Variants in DNAH5 observed in about 807,000 individuals in gnomAD.
DNAH5 encodes dynein axonemal heavy chain 5.
In DNAH5, 372 loss-of-function variants were observed where a neutral mutation model predicts 518.2. The observed-to-expected ratio is 0.72, with a 90% CI of 0.66 to 0.78. The LOEUF (loss-of-function observed/expected upper bound fraction) is 0.78, where lower values mean the gene tolerates loss of function less well. Among genes scored for constraint, DNAH5 ranks in the 30% least tolerant of loss-of-function variants. The pLI is 0.00. For missense variants in DNAH5, 5,523 were observed against 5,687.0 expected, an observed-to-expected ratio of 0.97 and a Z score of 0.93; for synonymous variants, 2,039 against 2,025.9, an observed-to-expected ratio of 1.01 and a Z score of -0.17.
At chr5:13,734,860 AT>A (rs1030375816) in intron 68 of DNAH5, among the ~76,000 whole-genome samples, 1 of 151,754 alleles carries the variant, frequency 6.6e-6, no homozygotes, top group African/African-American at 2.4e-5. Flanking sequence ...TTATTATTTT[AT>A]TTTTTTTCTG....
chr5:13,781,624 G>A lies in DNAH5; in HGVS notation c.8821-665C>T, dbSNP rs371009643. The stretch of plus-strand genomic sequence containing the variant: ...TCTGATGGTTTTATCAGGGGTTTTC[G>A]CTTTTGCATCTTCCTCATTTTTTGT... On this transcript the variant is annotated intron_variant, in intron 52 of 78. Coordinates refer to ENST00000265104, the MANE Select transcript of DNAH5 (RefSeq NM_001369.3). Among the ~76,000 whole-genome samples the A allele has an allele frequency of 7.8e-4, 119 of 151,958 alleles. 1 individual carries two copies. Among genetic ancestry groups the A allele is most frequent in the Middle Eastern group, 6.8e-3 (2 of 294 alleles).
intron 25 of DNAH5, 123 bp downstream of exon 25, chr5:13,867,651 C>T: frequency 1.2e-6 from 1 of 837,120 alleles, no homozygotes; most frequent in Admixed American, 1.8e-5. Flanking sequence ...AAATAAAATT[C>T]CCATTCCCTG....
At chr5:13,957,504 C>T (rs1339018683) in intron 1 of DNAH5, among the ~76,000 whole-genome samples, 1 of 152,050 alleles carries the variant, frequency 6.6e-6, no homozygotes, top group Non-Finnish European at 1.5e-5. Flanking sequence ...CTGATGATTT[C>T]CCTTTCAAAA....
chr5:13,839,256 G>T, intron 35 of DNAH5, 100 bp downstream of exon 35: 1 of 1,054,004 alleles, frequency 9.5e-7, no homozygotes, highest in Non-Finnish European at 1.4e-6. Context: ...AAAGGTTTTA[G>T]TATAAAGAGC....
chr5:13,816,559 AAAAAAC>A (rs1232955921), intron 42 of DNAH5, among the ~76,000 whole-genome samples: 1 of 144,852 alleles, frequency 6.9e-6, no homozygotes, highest in Non-Finnish European at 1.5e-5. Context: ...AAGGGGAAAA[AAAAAAC>A]AAAAAAACCT....
intron 32 of DNAH5, 40 bp downstream of exon 32, chr5:13,844,797 G>A (rs763534739): frequency 1.2e-6 from 2 of 1,613,556 alleles, no homozygotes; most frequent in East Asian, 2.2e-5. Context: ...GAGGTTCGAA[G>A]GTACGGTGAT....
At chr5:13,852,286 G>A (rs983297035) in intron 30 of DNAH5, among the ~76,000 whole-genome samples, 1 of 152,152 alleles carries the variant, frequency 6.6e-6, no homozygotes, top group African/African-American at 2.4e-5. Flanking sequence ...TCCTGCCTCA[G>A]CCTCCTGAGA....
At chr5:13,856,312 G>C (rs1767627348) in intron 30 of DNAH5, among the ~76,000 whole-genome samples, 1 of 152,018 alleles carries the variant, frequency 6.6e-6, no homozygotes, top group Non-Finnish European at 1.5e-5. Context: ...ATGATAAAGG[G>C]GATATCGCCA....
At position 13,728,062 on chromosome 5, in the gene DNAH5, C is replaced by T. The variant is rs572375827; in HGVS notation, c.11884-406G>A. Among the ~76,000 whole-genome samples the T allele has an allele frequency of 1.3e-4, 20 of 152,284 alleles. 1 individual carries two copies. In the South Asian group the frequency reaches 4.1e-3, roughly 32 times the overall value. On this transcript the variant is annotated intron_variant, in intron 69 of 78. Coordinates refer to ENST00000265104, the MANE Select transcript of DNAH5 (RefSeq NM_001369.3). Reference sequence around the variant, plus strand: ...ACTTATGTTTCCTCATTTCCCAGGACCACTCCTGACCCAAAAGAAGACATT... The same window carrying T: ...ACTTATGTTTCCTCATTTCCCAGGATCACTCCTGACCCAAAAGAAGACATT...
intron 55 of DNAH5, among the ~76,000 whole-genome samples, chr5:13,771,984 A>G (rs982497883): frequency 6.6e-6 from 1 of 152,200 alleles, no homozygotes; most frequent in East Asian, 1.9e-4. Flanking sequence ...TAAATAATAG[A>G]GACAATTCAT....
Position 13,883,007 on chromosome 5 carries a change from G to C in DNAH5, c.3071C>G (p.Ala1024Gly). 6.2e-7 allele frequency: 1 copy of C among 1,614,174 alleles called. No homozygotes were observed. The highest frequency in any genetic ancestry group is 8.5e-7 in the Non-Finnish European group (1 of 1,180,022). The change falls in exon 20 of 79, where the codon GCC (alanine) becomes GGC (glycine). Residue 1024 changes from alanine to glycine, a missense_variant. This residue lies in a region of DNAH5 where 5,121 missense variants were observed against 5,223.3 expected (regional missense o/e 0.98). Coordinates refer to ENST00000265104, the MANE Select transcript of DNAH5 (RefSeq NM_001369.3). ...VTLAIPNIVMAPALEDVQQTL... is the reference protein window; with the variant it reads ...VTLAIPNIVMGPALEDVQQTL... ...CTGCTGTACATCTTCCAGGGCAGGGGCCATGACGATGTTGGGAATGGCCAG... is the reference window on the plus strand; with the variant it reads ...CTGCTGTACATCTTCCAGGGCAGGGCCCATGACGATGTTGGGAATGGCCAG...
chr5:13,711,816 G>T (rs1480774991), intron 75 of DNAH5, among the ~76,000 whole-genome samples: 2 of 152,086 alleles, frequency 1.3e-5, no homozygotes, highest in Non-Finnish European at 2.9e-5. Context: ...ATGTAACCAA[G>T]AAGTCAAAAG....
Position 13,913,878 on chromosome 5 carries a change from C to T in DNAH5, c.1401G>A (p.Met467Ile). Reference sequence around the variant, plus strand: ...AAGTTTCGAATTTTCCAAAAATATACATCTCGCTAAAATCAAATTGTTTTG... The same window carrying T: ...AAGTTTCGAATTTTCCAAAAATATATATCTCGCTAAAATCAAATTGTTTTG... ...PNAKQFDFSEMYIFGKFETFH... is the reference protein window; with the variant it reads ...PNAKQFDFSEIYIFGKFETFH... The change falls in exon 11 of 79, where the codon ATG (methionine) becomes ATA (isoleucine). Residue 467 changes from methionine (M) to isoleucine (I), a missense_variant. Coordinates refer to ENST00000265104, the MANE Select transcript of DNAH5 (RefSeq NM_001369.3). The T allele has an allele frequency of 1.2e-6, 2 of 1,613,652 alleles. No homozygotes were observed. Among genetic ancestry groups the T allele is most frequent in the Middle Eastern group, 1.7e-4 (1 of 6,060 alleles).
chr5:13,832,804 T>C (rs1228642480), intron 35 of DNAH5, among the ~76,000 whole-genome samples: 1 of 152,192 alleles, frequency 6.6e-6, no homozygotes, highest in African/African-American at 2.4e-5. Context: ...CTACAGGAAT[T>C]AGAGATGCAG....
chr5:13,923,689 G>C (rs1777544163), intron 3 of DNAH5, among the ~76,000 whole-genome samples: 1 of 152,154 alleles, frequency 6.6e-6, no homozygotes, highest in Admixed American at 6.5e-5. Flanking sequence ...GGAGGACAAT[G>C]TATCTACTGG....
Position 13,866,445 on chromosome 5 carries a change from T to C in DNAH5, c.4054-163A>G, listed in dbSNP as rs150218215. Among the ~76,000 whole-genome samples, 8 of 152,310 alleles carry C rather than the reference T, an allele frequency of 5.3e-5. No individual in the cohort carries two copies. In the East Asian group the frequency reaches 1.5e-3, roughly 29 times the overall value. On this transcript the variant is annotated intron_variant, in intron 25 of 78. Coordinates refer to ENST00000265104, the MANE Select transcript of DNAH5 (RefSeq NM_001369.3). ...CCTCACAAAGTGATTCATTTAGACA[T>C]ATGTTTCTAGTCTAAAAAAGCCAAA...
intron 55 of DNAH5, among the ~76,000 whole-genome samples, chr5:13,773,826 G>C (rs1753688291): frequency 6.6e-6 from 1 of 152,040 alleles, no homozygotes; most frequent in Non-Finnish European, 1.5e-5. Context: ...TTCCTGAAGA[G>C]ATGACATTTA....
intron 52 of DNAH5, among the ~76,000 whole-genome samples, chr5:13,781,994 T>C (rs1045718111): frequency 6.6e-6 from 1 of 152,144 alleles, no homozygotes; most frequent in Admixed American, 6.5e-5. Flanking sequence ...TATTTGGCTT[T>C]ATTGGTGTTG....
At chr5:13,879,014 G>A (rs1043989916) in intron 21 of DNAH5, among the ~76,000 whole-genome samples, 1 of 152,074 alleles carries the variant, frequency 6.6e-6, no homozygotes, top group Non-Finnish European at 1.5e-5. Context: ...GGGTAGGGGG[G>A]ACAAAAAATA....
Sources: allele counts gnomAD v4.1 joint callset (sites outside exome capture counted in the v4.1 genomes callset), GRCh38; gene constraint gnomAD v4.1.1; regional missense constraint gnomAD v4.1.1; transcripts MANE v1.5; gene names NCBI Gene and HGNC (gene_info 2026-07-23, HGNC 2026-07-21).